Variants in FSTL4 observed in about 807,000 individuals in gnomAD.
FSTL4 encodes the protein follistatin like 4, also known as follistatin-related protein 4.
In FSTL4, 28 loss-of-function variants were observed where a neutral mutation model predicts 78.2. The observed-to-expected ratio is 0.36, with a 90% CI of 0.27 to 0.49. The LOEUF (loss-of-function observed/expected upper bound fraction) is 0.49. Ranked by LOEUF, FSTL4 falls within the 20% of genes least tolerant of loss-of-function variation. FSTL4 has a pLI of 0.98. For synonymous variants in FSTL4, 422 were observed against 440.5 expected, an observed-to-expected ratio of 0.96 and a Z score of 0.53; for missense variants, 922 against 1,084.9, an observed-to-expected ratio of 0.85 and a Z score of 2.11.
At chr5:133,229,154 A>G (rs1751417690) in intron 8 of FSTL4, among the ~76,000 whole-genome samples, 1 of 152,262 alleles carries the variant, frequency 6.6e-6, no homozygotes, top group African/African-American at 2.4e-5. Context: ...ATGCTCTTGG[A>G]TAGAAAGACT....
chr5:133,215,181 T>C lies in FSTL4; in HGVS notation c.1608+2048A>G, dbSNP rs1750867019. Among the ~76,000 whole-genome samples, 5 of 152,242 alleles carry C rather than the reference T, an allele frequency of 3.3e-5. No homozygotes were observed. In the South Asian group the frequency reaches 1.0e-3, roughly 32 times the overall value. ...CTCTTCTTTTAGCTTCAAGAATATC[T>C]CTCTTTATCCTAATTTTTTCCTATC... On this transcript the variant is annotated intron_variant, in intron 13 of 15. Coordinates refer to ENST00000265342, the MANE Select transcript of FSTL4 (RefSeq NM_015082.2).
At chr5:133,228,138 G>A (rs1490156372) in intron 8 of FSTL4, among the ~76,000 whole-genome samples, 1 of 152,140 alleles carries the variant, frequency 6.6e-6, no homozygotes, top group Non-Finnish European at 1.5e-5. Context: ...GAGGTGGGAG[G>A]ATCCCTTGAG....
chr5:133,634,503 A>G, the FSTL4 span, among the ~76,000 whole-genome samples: 1 of 151,848 alleles, frequency 6.6e-6, no homozygotes, highest in Admixed American at 6.6e-5. Context: ...CTCTGTGACA[A>G]TCTTTGGGTC....
At chr5:133,657,589 C>G in the FSTL4 span, among the ~76,000 whole-genome samples, 1 of 152,006 alleles carries the variant, frequency 6.6e-6, no homozygotes, top group Non-Finnish European at 1.5e-5. Context: ...CCCATAGGCA[C>G]CTTCTCTAAT....
chr5:133,708,512 C>A, the FSTL4 span, among the ~76,000 whole-genome samples: 1 of 152,164 alleles, frequency 6.6e-6, no homozygotes, highest in African/African-American at 2.4e-5. Flanking sequence ...CTGGACCTGA[C>A]CGTTCCTCCT....
intron 3 of FSTL4, among the ~76,000 whole-genome samples, chr5:133,541,933 C>T (rs1277990863): frequency 1.3e-5 from 2 of 151,730 alleles, no homozygotes; most frequent in Non-Finnish European, 2.9e-5. Context: ...TACAGACACA[C>T]ACACACACAC....
At chr5:133,553,649 T>C (rs1411332881) in intron 3 of FSTL4, among the ~76,000 whole-genome samples, 2 of 152,240 alleles carry the variant, frequency 1.3e-5, no homozygotes, top group Non-Finnish European at 2.9e-5. Flanking sequence ...TAGCATAGCA[T>C]ATGGCATATG....
intron 14 of FSTL4, chr5:133,207,808 G>C (rs1438842887): frequency 6.6e-6 from 1 of 152,086 alleles, no homozygotes; most frequent in Non-Finnish European, 1.5e-5. Context: ...AGCACACCTG[G>C]CTAATTTTTT....
intron 6 of FSTL4, among the ~76,000 whole-genome samples, chr5:133,293,665 A>G (rs1753319854): frequency 6.6e-6 from 1 of 152,138 alleles, no homozygotes; most frequent in Non-Finnish European, 1.5e-5. Context: ...ATCCTACTGT[A>G]TACCGGCCAG....
intron 6 of FSTL4, among the ~76,000 whole-genome samples, chr5:133,276,943 A>C (rs1180964307): frequency 6.6e-6 from 1 of 152,186 alleles, no homozygotes; most frequent in African/African-American, 2.4e-5. Context: ...GCAGCCAGGC[A>C]CACAGAGGTC....
chr5:133,221,759 T>A (rs1751112947), intron 11 of FSTL4, among the ~76,000 whole-genome samples: 1 of 152,114 alleles, frequency 6.6e-6, no homozygotes, highest in Admixed American at 6.5e-5. Context: ...TCTCCCTGTC[T>A]TTCTGTCTCC....
chr5:133,437,020 G>C (rs1320861841), intron 3 of FSTL4, among the ~76,000 whole-genome samples: 2 of 152,232 alleles, frequency 1.3e-5, no homozygotes, highest in Admixed American at 6.5e-5. Context: ...AGTTGCTACA[G>C]GAGAAAGAGG....
At chr5:133,379,938 G>A (rs1442328701) in intron 4 of FSTL4, among the ~76,000 whole-genome samples, 1 of 151,938 alleles carries the variant, frequency 6.6e-6, no homozygotes, top group East Asian at 1.9e-4. Context: ...AGCTGGGTGT[G>A]GTGGCTTGCG....
At chr5:133,803,239 A>C in the FSTL4 span, among the ~76,000 whole-genome samples, 1 of 152,142 alleles carries the variant, frequency 6.6e-6, no homozygotes, top group African/African-American at 2.4e-5. Context: ...ATACCAATGA[A>C]TATAGCTTTC....
At chr5:133,814,068 T>C in the FSTL4 span, among the ~76,000 whole-genome samples, 1 of 152,240 alleles carries the variant, frequency 6.6e-6, no homozygotes, top group South Asian at 2.1e-4. Flanking sequence ...AACCAGGGAC[T>C]GTCACCAACA....
intron 3 of FSTL4, among the ~76,000 whole-genome samples, chr5:133,428,475 C>A (rs2126993791): frequency 6.6e-6 from 1 of 152,288 alleles, no homozygotes; most frequent in Admixed American, 6.5e-5. Context: ...AGGACACGAA[C>A]AACAGAAGGG....
intron 3 of FSTL4, among the ~76,000 whole-genome samples, chr5:133,470,801 T>TAAAAA (rs1342252509): frequency 2.2e-5 from 3 of 135,690 alleles, no homozygotes; most frequent in African/African-American, 8.0e-5. Context: ...TAAAATAAAA[T>TAAAAA]AAAAATAAAT....
the FSTL4 span, among the ~76,000 whole-genome samples, chr5:133,656,729 G>A: frequency 8.5e-5 from 13 of 152,302 alleles, no homozygotes; most frequent in African/African-American, 2.6e-4. Context: ...TAAGGAATTG[G>A]CATTTTACTC....
Position 133,220,841 on chromosome 5 carries a change from A to G in FSTL4, c.1365T>C (p.Tyr455=), listed in dbSNP as rs776578436. The G allele has an allele frequency of 1.2e-6, 2 of 1,611,624 alleles. No individual in the cohort carries two copies. The highest frequency in any genetic ancestry group is 2.2e-5 in the East Asian group (1 of 44,868). Residue 455 remains tyrosine (Y), a synonymous_variant, in exon 12 of 16, where the codon TAT becomes TAC. Transcript: ENST00000265342. ...EEGLSVGNMF[Y]VFSDDGIIVI... The stretch of plus-strand genomic sequence containing the variant: ...CGATGATACCGTCGTCGGAGAAGAC[A>G]TAGAACATGTTTCCCACGCTGAGGC...
Sources: gnomAD v4.1 joint callset for allele counts (sites outside exome capture counted in the v4.1 genomes callset) on GRCh38, gnomAD v4.1.1 for gene constraint, MANE v1.5 for transcripts, NCBI Gene and HGNC (gene_info 2026-07-23, HGNC 2026-07-21) for gene names.